Variants in WDR19 observed in about 807,000 individuals in gnomAD.
WDR19 encodes WD repeat-containing protein 19.
In WDR19, 121 loss-of-function variants were observed where a neutral mutation model predicts 180.0. The ratio of observed to expected loss-of-function variants is 0.67; its 90% confidence interval spans 0.58 to 0.78. The LOEUF is 0.78. Ranked by LOEUF, WDR19 falls within the 30% of genes least tolerant of loss-of-function variation. WDR19 has a pLI of 0.00. For missense variants in WDR19, 1,450 were observed against 1,640.7 expected (o/e 0.88, Z 2.01); for synonymous variants, 497 against 540.7 (o/e 0.92, Z 1.12).
intron 28 of WDR19, among the ~76,000 whole-genome samples, chr4:39,261,139 C>T (rs547682645): frequency 1.7e-3 from 224 of 134,720 alleles, no homozygotes; most frequent in Admixed American, 4.2e-3. Flanking sequence ...CCACCACACG[C>T]GGCTATTTTT....
chr4:39,208,212 T>C (rs1054190851), intron 9 of WDR19, among the ~76,000 whole-genome samples: 48 of 149,956 alleles, frequency 3.2e-4, no homozygotes, highest in Non-Finnish European at 3.6e-4. Context: ...AGAGAACAAA[T>C]AGAAAGCAAA....
rs945269099 is a variant in WDR19 at position 39,198,402 on chromosome 4, CA to C, written c.407-1067del. Among the ~76,000 whole-genome samples the C allele has an allele frequency of 5.4e-5, 8 of 149,050 alleles. No homozygotes were observed. In the East Asian group the frequency reaches 1.4e-3, roughly 26 times the overall value. ...TGAAACCCCATCTCTACTAAAAATACAAAAAAAAATTAGCCAGGCATGGTGG... is the reference window on the plus strand; with the variant it reads ...TGAAACCCCATCTCTACTAAAAATACAAAAAAAATTAGCCAGGCATGGTGG... On this transcript the variant is annotated intron_variant, in intron 5 of 36. Coordinates refer to ENST00000399820, the MANE Select transcript of WDR19 (RefSeq NM_025132.4).
intron 9 of WDR19, chr4:39,205,982 C>A: frequency 2.7e-6 from 1 of 377,252 alleles, no homozygotes; most frequent in Non-Finnish European, 4.8e-6. Context: ...CCCATGTCTC[C>A]CACTGAGTAC....
rs768553847 is a variant in WDR19 at position 39,266,163 on chromosome 4, G to T, written c.3261+23G>T. ...AAGGTACTGAACACGTGGGCTTCGT[G>T]TGCATCCTCAGGTCTCAGTTACAGT... On this transcript the variant is annotated intron_variant, in intron 29 of 36. Transcript: ENST00000399820. The T allele has an allele frequency of 3.9e-6, 6 of 1,525,924 alleles. No homozygotes were observed. In the East Asian group the frequency reaches 1.2e-4, roughly 31 times the overall value. 94.5% of individuals were successfully genotyped at this position (1,525,924 alleles called of 1,614,324 possible). A position where few individuals can be genotyped will look rare whatever the true frequency, so the allele number is the denominator to read the frequency against.
At chr4:39,269,138 G>T (rs1032030528) in intron 30 of WDR19, among the ~76,000 whole-genome samples, 2 of 152,046 alleles carry the variant, frequency 1.3e-5, no homozygotes, top group Non-Finnish European at 2.9e-5. Context: ...AAGAAAGGGA[G>T]GGAAAATCAG....
In WDR19 at chr4:39,219,765, C is replaced by A. The variant is rs569328848; in HGVS notation, c.1479+1660C>A. 2.0e-5 allele frequency among the ~76,000 whole-genome samples: 3 copies of A among 152,054 alleles called. No homozygotes were observed. In the East Asian group the frequency reaches 5.8e-4, roughly 29 times the overall value. ...TCTTGGTCCTTTGAACCATGGGTACCCTAAATCTCCAAATATTACATTAGC... is the reference window on the plus strand; with the variant it reads ...TCTTGGTCCTTTGAACCATGGGTACACTAAATCTCCAAATATTACATTAGC... On this transcript the variant is annotated intron_variant, in intron 14 of 36. Coordinates refer to ENST00000399820, the MANE Select transcript of WDR19 (RefSeq NM_025132.4).
chr4:39,258,252 A>G (rs1733952391), intron 28 of WDR19, among the ~76,000 whole-genome samples: 1 of 151,990 alleles, frequency 6.6e-6, no homozygotes, highest in Non-Finnish European at 1.5e-5. Context: ...TTCCAGTTTC[A>G]AGCGATTCTT....
intron 36 of WDR19, among the ~76,000 whole-genome samples, chr4:39,281,059 G>A (rs1736448363): frequency 1.3e-5 from 2 of 151,832 alleles, no homozygotes; most frequent in African/African-American, 4.8e-5. Flanking sequence ...CAAGTTCTTT[G>A]TCAGATATAT....
chr4:39,243,279 A>T (rs930917953), intron 21 of WDR19, among the ~76,000 whole-genome samples: 2 of 151,936 alleles, frequency 1.3e-5, no homozygotes, highest in Non-Finnish European at 2.9e-5. Flanking sequence ...ATTCACACAC[A>T]CTCCATGTAT....
Position 39,232,301 on chromosome 4 carries a change from T to C in WDR19, c.2253+29T>C, listed in dbSNP as rs201260244. On this transcript the variant is annotated intron_variant, in intron 19 of 36. Coordinates refer to ENST00000399820, the MANE Select transcript of WDR19 (RefSeq NM_025132.4). ...TGGCAGCAAGTAAGAATGGAAATTG[T>C]GTAAGAGGTATCCAGTGGGGAAATG... The C allele has an allele frequency of 7.4e-5, 115 of 1,563,532 alleles. No individual in the cohort carries two copies. In the African/African-American group the frequency reaches 1.4e-3, roughly 18 times the overall value.
At chr4:39,257,389 GA>G in intron 27 of WDR19, 96 bp from the exon 28 acceptor site, 1 of 1,132,828 alleles carries the variant, frequency 8.8e-7, no homozygotes, top group Non-Finnish European at 1.3e-6. Flanking sequence ...TACTTTCACA[GA>G]CTGTAATTAC....
intron 21 of WDR19, among the ~76,000 whole-genome samples, chr4:39,242,051 A>G (rs1370224395): frequency 3.3e-5 from 5 of 151,290 alleles, no homozygotes; most frequent in East Asian, 1.9e-4. Context: ...TTCCAAGTCA[A>G]TACATATGAA....
intron 20 of WDR19, among the ~76,000 whole-genome samples, chr4:39,235,140 T>A (rs778350546): frequency 3.7e-4 from 57 of 152,122 alleles, no homozygotes; most frequent in Non-Finnish European, 6.9e-4. Flanking sequence ...TTATTTTTTT[T>A]AATAGAGACA....
At chr4:39,242,947 C>T (rs753756171) in intron 21 of WDR19, among the ~76,000 whole-genome samples, 8 of 152,056 alleles carry the variant, frequency 5.3e-5, no homozygotes, top group Non-Finnish European at 8.8e-5. Context: ...GGATAATAGG[C>T]TTGAGCCACC....
chr4:39,247,372 G>T (rs1234627521), intron 24 of WDR19, among the ~76,000 whole-genome samples: 3 of 152,126 alleles, frequency 2.0e-5, no homozygotes, highest in African/African-American at 7.2e-5. Flanking sequence ...CATCATCAAA[G>T]ACCAAAGGTG....
At chr4:39,257,341 A>G (rs1346932547) in intron 27 of WDR19, 145 bp from the exon 28 acceptor site, 1 of 730,450 alleles carries the variant, frequency 1.4e-6, no homozygotes, top group Non-Finnish European at 2.3e-6. Flanking sequence ...GACATATTTA[A>G]GATCCAACAC....
chr4:39,216,315 A>G (rs1053737585), intron 12 of WDR19, 105 bp downstream of exon 12: 3 of 890,202 alleles, frequency 3.4e-6, no homozygotes, highest in Non-Finnish European at 3.4e-6. Context: ...ACTCTTTTTT[A>G]TTCACATATC....
At chr4:39,200,082 C>T (rs564169877) in intron 6 of WDR19, among the ~76,000 whole-genome samples, 22 of 152,310 alleles carry the variant, frequency 1.4e-4, no homozygotes, top group East Asian at 9.6e-4. Context: ...GAGGCTCCCT[C>T]CTTATGGGAA....
rs9999392 is a variant in WDR19, at chr4:39,263,667, G to C, written c.3184-2396G>C. Among the ~76,000 whole-genome samples the C allele has an allele frequency of 6.3e-3, 964 of 152,274 alleles. 17 individuals are homozygous for C. Among genetic ancestry groups the C allele is most frequent in the African/African-American group, 0.022 (909 of 41,546 alleles). ...CAGCCGGGCATGGTGGCTCACACCT[G>C]TAATCCCAGCACTTTGGGAGGCTGA... On this transcript the variant is annotated intron_variant, in intron 28 of 36. Coordinates refer to ENST00000399820, the MANE Select transcript of WDR19 (RefSeq NM_025132.4).
Sources: gnomAD v4.1 joint callset for allele counts (sites outside exome capture counted in the v4.1 genomes callset) on GRCh38, gnomAD v4.1.1 for gene constraint, MANE v1.5 for transcripts, NCBI Gene and HGNC (gene_info 2026-07-23, HGNC 2026-07-21) for gene names.